Variants in PPM1E observed in about 807,000 individuals in gnomAD.
PPM1E encodes the protein protein phosphatase, Mg2+/Mn2+ dependent 1E.
Under a neutral mutation model 65.9 loss-of-function variants are expected in PPM1E, and 20 were observed. The ratio of observed to expected loss-of-function variants is 0.30; its 90% CI spans 0.21 to 0.44. PPM1E has a LOEUF of 0.44. Among genes scored for constraint, PPM1E ranks in the 20% least tolerant of loss-of-function variants. PPM1E has a pLI of 1.00. For synonymous variants in PPM1E, 352 were observed against 374.9 expected (o/e 0.94, Z 0.70); for missense variants, 713 against 953.1 (o/e 0.75, Z 3.32).
chr17:58,921,005 A>C (rs1405547924), intron 1 of PPM1E, among the ~76,000 whole-genome samples: 1 of 152,226 alleles, frequency 6.6e-6, no homozygotes, highest in East Asian at 1.9e-4. Flanking sequence ...TTCAAGGTGG[A>C]GAAAAATGAT....
chr17:58,791,762 G>A (rs2050159685), intron 1 of PPM1E, among the ~76,000 whole-genome samples: 1 of 152,148 alleles, frequency 6.6e-6, no homozygotes, highest in South Asian at 2.1e-4. Flanking sequence ...TGGAGGTTAC[G>A]CAGGTAATGA....
chr17:58,791,237 G>A (rs926453798), intron 1 of PPM1E, among the ~76,000 whole-genome samples: 1 of 152,076 alleles, frequency 6.6e-6, no homozygotes, highest in African/African-American at 2.4e-5. Flanking sequence ...GGTTTATTAT[G>A]CAGCAGTATA....
chr17:58,914,123 T>A (rs1021326559), intron 1 of PPM1E, among the ~76,000 whole-genome samples: 1 of 152,222 alleles, frequency 6.6e-6, no homozygotes, highest in African/African-American at 2.4e-5. Flanking sequence ...AATTTTTCCA[T>A]GTCAAATTTT....
chr17:58,860,238 G>A (rs965876115), intron 1 of PPM1E, among the ~76,000 whole-genome samples: 1 of 152,142 alleles, frequency 6.6e-6, no homozygotes, highest in Non-Finnish European at 1.5e-5. Flanking sequence ...TAGACCTTGT[G>A]CCCAGGCATA....
intron 1 of PPM1E, among the ~76,000 whole-genome samples, chr17:58,791,703 A>C (rs186095187): frequency 1.1e-4 from 17 of 152,258 alleles, no homozygotes; most frequent in Admixed American, 8.5e-4. Flanking sequence ...GTTATAGGTG[A>C]TGCCTTTGAG....
chr17:58,948,326 T>C (rs2052190541), intron 1 of PPM1E, among the ~76,000 whole-genome samples: 1 of 152,148 alleles, frequency 6.6e-6, no homozygotes, highest in African/African-American at 2.4e-5. Flanking sequence ...TCCCATGTGC[T>C]AAATGCACTC....
chr17:58,924,790 C>G (rs529224883), intron 1 of PPM1E, among the ~76,000 whole-genome samples: 2 of 149,180 alleles, frequency 1.3e-5, no homozygotes, highest in African/African-American at 5.0e-5. Context: ...ATGTGTTCTC[C>G]TTGTTCAACT....
At chr17:58,932,465 T>C (rs986827766) in intron 1 of PPM1E, among the ~76,000 whole-genome samples, 4 of 152,058 alleles carry the variant, frequency 2.6e-5, no homozygotes, top group Non-Finnish European at 4.4e-5. Context: ...CAAGACGCTG[T>C]CTCAAAAACA....
At chr17:58,942,808 AAAACTT>A (rs2052092212) in intron 1 of PPM1E, among the ~76,000 whole-genome samples, 1 of 148,390 alleles carries the variant, frequency 6.7e-6, no homozygotes, top group African/African-American at 2.5e-5. Flanking sequence ...CATGTACCCT[AAAACTT>A]AAAGTATAAT....
chr17:58,856,180 C>A (rs767826409), intron 1 of PPM1E, among the ~76,000 whole-genome samples: 23 of 151,892 alleles, frequency 1.5e-4, no homozygotes, highest in Admixed American at 5.9e-4. Flanking sequence ...GCTAATAATT[C>A]TCTGGAAAAT....
chr17:58,976,897 A>T (rs972165637), intron 6 of PPM1E, among the ~76,000 whole-genome samples: 1 of 152,244 alleles, frequency 6.6e-6, no homozygotes, highest in East Asian at 1.9e-4. Context: ...AATTCAAAAA[A>T]TAATAATGAT....
intron 3 of PPM1E, chr17:58,966,418 TAAA>T (rs55779609): frequency 0.017 from 2,022 of 121,850 alleles, no homozygotes; most frequent in Middle Eastern, 0.041. Flanking sequence ...AGCAGTTTTG[TAAA>T]AAAAAAAAAA....
chr17:58,888,703 C>T (rs2051311110), intron 1 of PPM1E, among the ~76,000 whole-genome samples: 1 of 152,122 alleles, frequency 6.6e-6, no homozygotes, highest in African/African-American at 2.4e-5. Context: ...CATTTATTTC[C>T]TGTTTTAAAA....
At chr17:58,979,616 C>G (rs759905697) in intron 6 of PPM1E, among the ~76,000 whole-genome samples, 5 of 152,184 alleles carry the variant, frequency 3.3e-5, no homozygotes, top group Non-Finnish European at 5.9e-5. Context: ...ACTGAATCAA[C>G]CATGTCTTCC....
intron 1 of PPM1E, among the ~76,000 whole-genome samples, chr17:58,849,032 T>C (rs2050799163): frequency 6.6e-6 from 1 of 152,232 alleles, no homozygotes; most frequent in Non-Finnish European, 1.5e-5. Context: ...ATTTATCCAT[T>C]TCTTCTAGAT....
chr17:58,857,863 A>G (rs920422165), intron 1 of PPM1E, among the ~76,000 whole-genome samples: 18 of 152,160 alleles, frequency 1.2e-4, no homozygotes, highest in African/African-American at 4.1e-4. Flanking sequence ...AAGCTACTCT[A>G]TCGTAGCAGA....
At chr17:58,764,426 G>A in intron 1 of PPM1E, among the ~76,000 whole-genome samples, 1 of 151,962 alleles carries the variant, frequency 6.6e-6, no homozygotes. Context: ...ACTTAGCTGG[G>A]TGCAGTGCCT....
At chr17:58,969,487 T>C (rs1486283375) in intron 3 of PPM1E, 52 bp from the exon 4 acceptor site, 1 of 1,564,074 alleles carries the variant, frequency 6.4e-7, no homozygotes, top group Admixed American at 1.7e-5. Flanking sequence ...ATTGGTTCAT[T>C]TGAATCATGC....
intron 1 of PPM1E, among the ~76,000 whole-genome samples, chr17:58,781,485 A>G (rs1208915911): frequency 6.6e-6 from 1 of 151,998 alleles, no homozygotes; most frequent in African/African-American, 2.4e-5. Context: ...AACCAAATTC[A>G]TTTGAATTTA....
Sources: allele counts gnomAD v4.1 joint callset (sites outside exome capture counted in the v4.1 genomes callset), GRCh38; gene constraint gnomAD v4.1.1; transcripts MANE v1.5; gene names NCBI Gene and HGNC (gene_info 2026-07-23, HGNC 2026-07-21).